The following KAT6A variants were observed in gnomAD, a reference collection of about 807,000 sequenced individuals.
The protein encoded by KAT6A is lysine acetyltransferase 6A.
Under a neutral mutation model 198.4 loss-of-function variants are expected in KAT6A, and 9 were observed. The ratio of observed to expected loss-of-function variants is 0.05; its 90% CI spans 0.03 to 0.08. The LOEUF is 0.08. Ranked by LOEUF, KAT6A falls within the 10% of genes least tolerant of loss-of-function variation. The probability of loss-of-function intolerance (pLI) is 1.00; values close to 1 mark genes in which losing one functional copy is unlikely to be tolerated. For missense variants in KAT6A, 2,077 were observed against 2,509.9 expected (o/e 0.83, Z 3.69); for synonymous variants, 890 against 883.0 (o/e 1.01, Z -0.14).
In KAT6A at chr8:41,942,988, G is replaced by T. The variant is rs747658625; in HGVS notation, c.2241C>A (p.Ile747=). Residue 747 remains isoleucine (I), a synonymous_variant, in exon 14 of 17, where the codon ATC becomes ATA. Transcript: ENST00000265713. ...LDFRSDQFVI[I]RREKLIQDHM... ...GATCCTGGATAAGTTTTTCCCGGCGGATAATCACAAATCTGGAACCAGAGA... is the reference window on the plus strand; with the variant it reads ...GATCCTGGATAAGTTTTTCCCGGCGTATAATCACAAATCTGGAACCAGAGA... 73 of 1,613,896 alleles carry T rather than the reference G, an allele frequency of 4.5e-5. No homozygotes were observed. Among genetic ancestry groups the T allele is most frequent in the Admixed American group, 1.8e-4 (11 of 60,002 alleles).
rs561170396 is a variant in KAT6A, at chr8:42,005,814, C to CCCAT, written c.601-18255_601-18252dup. 1.5e-4 allele frequency among the ~76,000 whole-genome samples: 22 copies of CCCAT among 143,154 alleles called. No individual in the cohort carries two copies. The South Asian group carries it at 2.0e-3, about 13-fold the overall frequency. 93.9% of individuals were successfully genotyped at this position (143,154 alleles called of 152,430 possible). A position where few individuals can be genotyped will look rare whatever the true frequency, so the allele number is the denominator to read the frequency against. ...CACACACACACTCACTCTCTTTCTC[C>CCCAT]CCATCCATCCATCCATCCAAAGAAC... On this transcript the variant is annotated intron_variant, in intron 2 of 16. Transcript: ENST00000265713.
chr8:41,933,084 G>C lies in KAT6A; in HGVS notation c.5136C>G (p.Thr1712=), dbSNP rs760164303. The C allele has an allele frequency of 7.4e-6, 12 of 1,612,626 alleles. No homozygotes were observed. The highest frequency in any genetic ancestry group is 2.2e-5 in the East Asian group (1 of 44,820). Residue 1712 remains threonine, a synonymous_variant, in exon 17 of 17, where the codon ACC becomes ACG. Transcript: ENST00000265713. This position sits in a 1 kb window ranked among gnomAD's most constrained non-coding sequence, Gnocchi z 6.2. ...GTATCTCCATGATCATAGGAGCTGG[G>C]GTGAAACTGTTATTCATACTACACT... ...LSQCSMNNSF[T]PAPMIMEIPE...
intron 11 of KAT6A, among the ~76,000 whole-genome samples, chr8:41,947,331 T>A (rs1822448628): frequency 6.6e-6 from 1 of 152,328 alleles, no homozygotes. Context: ...ACTTTCTCCC[T>A]CTAAGGGAAT....
At chr8:42,045,843 C>T (rs868267747) in intron 2 of KAT6A, among the ~76,000 whole-genome samples, 16 of 149,118 alleles carry the variant, frequency 1.1e-4, no homozygotes, top group Non-Finnish European at 1.5e-4. Context: ...AAAGTAGCCA[C>T]ACGTGGTGGC....
rs1419674342 is a variant in KAT6A, at chr8:41,931,598, A to G, written c.*607T>C. On this transcript the variant is annotated 3_prime_UTR_variant, in exon 17 of 17. Coordinates refer to ENST00000265713, the MANE Select transcript of KAT6A (RefSeq NM_006766.5). ...TGTGTGAGGAGTGGAGGGGATTTTA[A>G]AAGGAGAAGCATTTTCCTGCCTCAC... 5.0e-6 allele frequency: 1 copy of G among 198,558 alleles called. No individual in the cohort carries two copies. The highest frequency in any genetic ancestry group is 1.0e-5 in the Non-Finnish European group (1 of 96,108). The allele number at this position is 198,558 out of a possible 1,614,324, so 12.3% of individuals were successfully genotyped here.
chr8:42,029,517 T>A (rs999558648), intron 2 of KAT6A, among the ~76,000 whole-genome samples: 3 of 151,622 alleles, frequency 2.0e-5, no homozygotes, highest in African/African-American at 7.3e-5. Flanking sequence ...TGTCCTTTCT[T>A]CTGCTTGATC....
intron 2 of KAT6A, among the ~76,000 whole-genome samples, chr8:42,012,073 T>C (rs1008683720): frequency 1.3e-5 from 2 of 152,184 alleles, no homozygotes; most frequent in Non-Finnish European, 2.9e-5. Flanking sequence ...CCACTATCTA[T>C]TAGAACGGCT....
In KAT6A at chr8:41,946,662, T is replaced by A; in HGVS notation, c.1925A>T (p.Tyr642Phe). Reference protein sequence around the residue: ...FSKEKHCQQKYNVSCIMILPQ... With the variant: ...FSKEKHCQQKFNVSCIMILPQ... ...AAGAATCATTATACAGGAAACATTG[T>A]ACTTCTGTTGGCAGTGCTTTTCCTG... The change falls in exon 12 of 17, where the codon TAC becomes TTC. Residue 642 changes from tyrosine to phenylalanine, a missense_variant. Physicochemically the swap from Tyr to Phe is conservative, Grantham distance 22. This residue lies in a region of KAT6A where 127 missense variants were observed against 209.6 expected (regional missense o/e 0.61). Coordinates refer to ENST00000265713, the MANE Select transcript of KAT6A (RefSeq NM_006766.5). The A allele has an allele frequency of 6.2e-7, 1 of 1,605,916 alleles. No individual in the cohort carries two copies. Among genetic ancestry groups the A allele is most frequent in the Non-Finnish European group, 8.5e-7 (1 of 1,172,646 alleles).
At chr8:41,981,773 T>C (rs1824365413) in intron 4 of KAT6A, 66 bp downstream of exon 4, 2 of 959,436 alleles carry the variant, frequency 2.1e-6, no homozygotes, top group Non-Finnish European at 1.7e-6. Context: ...CATACTTAGA[T>C]GAAAATGCTG....
rs1564004571 is a variant in KAT6A, at chr8:41,933,783, A to G, written c.4437T>C (p.His1479=). The G allele has an allele frequency of 1.2e-6, 2 of 1,614,026 alleles. No individual in the cohort carries two copies. Among genetic ancestry groups the G allele is most frequent in the East Asian group, 4.5e-5 (2 of 44,844 alleles). Residue 1479 remains histidine, a synonymous_variant, in exon 17 of 17, where the codon CAT becomes CAC. Coordinates refer to ENST00000265713, the MANE Select transcript of KAT6A (RefSeq NM_006766.5). This position sits in a 1 kb window ranked among gnomAD's most constrained non-coding sequence, Gnocchi z 6.2. ...SMVEDCHASE[H]NSPISSVQSH... Reference sequence around the variant, plus strand: ...ACTGAACGGAGGAGATAGGGCTATTATGTTCTGACGCATGACAGTCTTCAA... The same window carrying G: ...ACTGAACGGAGGAGATAGGGCTATTGTGTTCTGACGCATGACAGTCTTCAA...
chr8:41,942,087 T>G (rs1275119962), intron 14 of KAT6A: 1 of 193,076 alleles, frequency 5.2e-6, no homozygotes, highest in East Asian at 8.2e-5. Context: ...ATACCGGTGT[T>G]GAAAGGATGA....
At chr8:41,978,871 G>A in intron 5 of KAT6A, 94 bp from the exon 6 acceptor site, 2 of 1,154,124 alleles carry the variant, frequency 1.7e-6, no homozygotes, top group Non-Finnish European at 2.5e-6. Flanking sequence ...AACTTTTTCA[G>A]GTAAAAGACT....
intron 13 of KAT6A, 128 bp downstream of exon 13, chr8:41,943,620 A>T: frequency 1.6e-6 from 1 of 641,968 alleles, no homozygotes; most frequent in South Asian, 2.0e-5. Context: ...AAGGAAAATG[A>T]TATCTCATTA....
intron 1 of KAT6A, among the ~76,000 whole-genome samples, chr8:42,049,888 T>C (rs1802513263): frequency 6.6e-6 from 1 of 152,202 alleles, no homozygotes. Context: ...TCTCTCCTAA[T>C]GGAAACAAAA....
rs1564001768 is a variant in KAT6A at position 41,932,128 on chromosome 8, A to AT, written c.*76dup. 8.0e-7 allele frequency: 1 copy of AT among 1,255,956 alleles called. No homozygotes were observed. The highest frequency in any genetic ancestry group is 1.5e-5 in the African/African-American group (1 of 64,942). The allele number at this position is 1,255,956 out of a possible 1,614,324, so 77.8% of individuals were successfully genotyped here. On this transcript the variant is annotated 3_prime_UTR_variant, in exon 17 of 17. Coordinates refer to ENST00000265713, the MANE Select transcript of KAT6A (RefSeq NM_006766.5). The stretch of plus-strand genomic sequence containing the variant: ...CAATATTTTAACTGGAAAAAGGTCC[A>AT]TTTTTCTCTGGTTTGTCAGTATAAA...
At chr8:41,976,915 A>G in intron 7 of KAT6A, 93 bp downstream of exon 7, 1 of 1,057,832 alleles carries the variant, frequency 9.5e-7, no homozygotes, top group Non-Finnish European at 1.4e-6. Flanking sequence ...ATTGTTAATA[A>G]TCAAATATAA....
chr8:41,993,131 CTA>C (rs1396415106), intron 2 of KAT6A, among the ~76,000 whole-genome samples: 2 of 152,204 alleles, frequency 1.3e-5, no homozygotes, highest in Non-Finnish European at 2.9e-5. Flanking sequence ...TTTCACATTA[CTA>C]GACTTTGTCT....
chr8:42,044,236 G>A (rs896857838), intron 2 of KAT6A, among the ~76,000 whole-genome samples: 3 of 151,774 alleles, frequency 2.0e-5, no homozygotes, highest in Non-Finnish European at 4.4e-5. Context: ...GAGTAGCTGG[G>A]ATTACAGGCA....
chr8:41,950,672 G>A (rs1182354842), intron 9 of KAT6A, among the ~76,000 whole-genome samples: 1 of 152,088 alleles, frequency 6.6e-6, no homozygotes, highest in African/African-American at 2.4e-5. Flanking sequence ...AAATGATAGA[G>A]TAAAAAACAG....
Sources: allele counts gnomAD v4.1 joint callset (sites outside exome capture counted in the v4.1 genomes callset), GRCh38; gene constraint gnomAD v4.1.1; regional missense constraint gnomAD v4.1.1; non-coding constraint Gnocchi (gnomAD v3.1); transcripts MANE v1.5; gene names NCBI Gene and HGNC (gene_info 2026-07-23, HGNC 2026-07-21).